The following ABCC8 variants were observed in gnomAD, a reference collection of about 807,000 sequenced individuals.
ABCC8 encodes ATP binding cassette subfamily C member 8.
Under a neutral mutation model 188.0 loss-of-function variants are expected in ABCC8, and 137 were observed. That is an observed-to-expected ratio of 0.73 (90% CI 0.63 to 0.84). The LOEUF is 0.84. ABCC8 is among the 40% of genes least tolerant of loss of function. The pLI is 0.00. For synonymous variants in ABCC8, 797 were observed against 846.5 expected (o/e 0.94, Z 1.01); for missense variants, 1,750 against 2,072.7 (o/e 0.84, Z 3.02).
At chr11:17,476,318 G>C (rs1197889681) in intron 1 of ABCC8, among the ~76,000 whole-genome samples, 1 of 152,222 alleles carries the variant, frequency 6.6e-6, no homozygotes, top group East Asian at 1.9e-4. Context: ...GTTTCCCACT[G>C]CGTGCTGAGA....
intron 8 of ABCC8, among the ~76,000 whole-genome samples, chr11:17,447,572 C>T (rs530641539): frequency 2.0e-4 from 30 of 152,128 alleles, no homozygotes; most frequent in African/African-American, 6.5e-4. Context: ...ACTAAAGGGG[C>T]GCACCACCAC....
intron 3 of ABCC8, among the ~76,000 whole-genome samples, chr11:17,467,042 CCACACACACA>C (rs569546580): frequency 0.02 from 2,620 of 132,376 alleles, 95 homozygotes; most frequent in African/African-American, 0.07. Context: ...ACATGTTAAA[CCACACACACA>C]CACACACACA....
chr11:17,461,378 A>T, intron 5 of ABCC8: 1 of 667,312 alleles, frequency 1.5e-6, no homozygotes, highest in Non-Finnish European at 2.6e-6. Flanking sequence ...GGTAAGGGCC[A>T]TTCCAACTGT....
At chr11:17,445,926 C>CG (rs1429852291) in intron 8 of ABCC8, among the ~76,000 whole-genome samples, 3 of 150,976 alleles carry the variant, frequency 2.0e-5, no homozygotes, top group African/African-American at 7.3e-5. Flanking sequence ...GTACTAGTAA[C>CG]GGTAACCGTG....
Position 17,453,200 on chromosome 11 carries a change from G to A in ABCC8, c.1095C>T (p.Ala365=), listed in dbSNP as rs1256418853. ...AYVLAVLLFL[A]LLLQRTFLQA... ...GCAGAAATGTCCTTTGCAGTAGGAG[G>A]GCAAGGAACAGAAGCACAGCTAAGA... The change falls in exon 7 of 39, where the codon GCC becomes GCT. Residue 365 remains alanine, a synonymous_variant. Coordinates refer to ENST00000389817, the MANE Select transcript of ABCC8 (RefSeq NM_000352.6). 9.9e-6 allele frequency: 16 copies of A among 1,613,972 alleles called. No homozygotes were observed. Among genetic ancestry groups the A allele is most frequent in the Non-Finnish European group, 1.4e-5 (16 of 1,180,026 alleles).
intron 6 of ABCC8, among the ~76,000 whole-genome samples, chr11:17,455,727 C>G (rs564212235): frequency 6.6e-6 from 1 of 151,842 alleles, no homozygotes; most frequent in East Asian, 1.9e-4. Context: ...CACCTGAGGT[C>G]GGGAGTTTGA....
intron 7 of ABCC8, among the ~76,000 whole-genome samples, chr11:17,451,092 A>G (rs1341945222): frequency 6.6e-6 from 1 of 152,220 alleles, no homozygotes; most frequent in Non-Finnish European, 1.5e-5. Flanking sequence ...AAAAACGATT[A>G]TATGCTAACC....
rs1183091226 is a variant in ABCC8 at position 17,430,906 on chromosome 11, C to T, written c.1725G>A (p.Val575=). ...GGAAGAGGGAGAGGGAGGCAAAGGC[C>T]ACGGAGGGCGAGAAGTCGGCCTCTT... The part of the protein sequence containing the change: ...FFKEADFSPS[V]AFASLSLFHI... Residue 575 remains valine (V), a synonymous_variant, in exon 12 of 39, where the codon GTG becomes GTA. Coordinates refer to ENST00000389817, the MANE Select transcript of ABCC8 (RefSeq NM_000352.6). 1.9e-6 allele frequency: 3 copies of T among 1,614,228 alleles called. No homozygotes were observed. The highest frequency in any genetic ancestry group is 1.7e-6 in the Non-Finnish European group (2 of 1,180,030).
Position 17,404,621 on chromosome 11 carries a change from C to T in ABCC8, c.3448G>A (p.Val1150Ile). The T allele has an allele frequency of 6.2e-7, 1 of 1,613,684 alleles. No homozygotes were observed. ...TAGGAGATGACGGCCAGGGCTGAGA[C>T]ACAGAGCAGGGTGGAGCGGCTCAGG... Reference protein sequence around the residue: ...ECLSRSTLLCVSALAVISYVT... With the variant: ...ECLSRSTLLCISALAVISYVT... The change falls in exon 28 of 39, where the codon GTC (valine) becomes ATC (isoleucine). Residue 1150 changes from valine to isoleucine, a missense_variant. By Grantham distance (29) the Val-to-Ile change is conservative. Coordinates refer to ENST00000389817, the MANE Select transcript of ABCC8 (RefSeq NM_000352.6). The surrounding 1 kb of genome is among the most constrained non-coding windows in gnomAD (Gnocchi z 4.7).
chr11:17,419,238 G>A (rs1241517789), intron 16 of ABCC8, among the ~76,000 whole-genome samples: 1 of 152,168 alleles, frequency 6.6e-6, no homozygotes. Flanking sequence ...GAGGGGATTC[G>A]ATTCCTCCTC....
At chr11:17,449,036 C>T (rs113122832) in intron 7 of ABCC8, among the ~76,000 whole-genome samples, 3,339 of 152,296 alleles carry the variant, frequency 0.022, 110 homozygotes, top group African/African-American at 0.073. Flanking sequence ...AAGCAATTCT[C>T]ATGCCTCAGC....
At chr11:17,405,586 G>C in intron 26 of ABCC8, 23 bp from the exon 27 acceptor site, 4 of 1,614,228 alleles carry the variant, frequency 2.5e-6, no homozygotes, top group Non-Finnish European at 2.5e-6. Flanking sequence ...CAGAGGAAGA[G>C]TTACTCATTT....
chr11:17,453,300 T>A lies in ABCC8; in HGVS notation c.1012-17A>T. On this transcript the variant is annotated splice_polypyrimidine_tract_variant and intron_variant, in intron 6 of 38. Coordinates refer to ENST00000389817, the MANE Select transcript of ABCC8 (RefSeq NM_000352.6). The stretch of plus-strand genomic sequence containing the variant: ...AAATTGTGTCTGTTGGAAAGAGAAG[T>A]TCAGAGGTGACTGTCATTGCCAGCA... 1.9e-6 allele frequency: 3 copies of A among 1,613,178 alleles called. No homozygotes were observed. The highest frequency in any genetic ancestry group is 2.5e-6 in the Non-Finnish European group (3 of 1,179,654).
In ABCC8 at chr11:17,427,109, G is replaced by A. The variant is rs1340200621; in HGVS notation, c.2162C>T (p.Ser721Leu). The change falls in exon 16 of 39, where the codon TCG becomes TTG. Residue 721 changes from serine to leucine, a missense_variant. Ser to Leu is a moderately radical substitution (Grantham distance 145). Transcript: ENST00000389817. This position sits in a 1 kb window ranked among gnomAD's most constrained non-coding sequence, Gnocchi z 5.0. ...IVGQVGCGKS[S>L]LLLAALGEMQ... The stretch of plus-strand genomic sequence containing the variant: ...CTCCCCCAGTGCGGCTAGAAGGAGC[G>A]AGGACTTGCCGCAGCCCACCTGCCC... 3.1e-6 allele frequency: 5 copies of A among 1,613,894 alleles called. No homozygotes were observed. The highest frequency in any genetic ancestry group is 2.2e-5 in the East Asian group (1 of 44,866).
At chr11:17,453,918 A>G (rs1956903210) in intron 6 of ABCC8, among the ~76,000 whole-genome samples, 2 of 152,184 alleles carry the variant, frequency 1.3e-5, no homozygotes, top group Admixed American at 1.3e-4. Context: ...GATGGCAACC[A>G]GTGAAGAAAA....
At chr11:17,438,218 A>G (rs1956181297) in intron 10 of ABCC8, among the ~76,000 whole-genome samples, 1 of 152,204 alleles carries the variant, frequency 6.6e-6, no homozygotes, top group African/African-American at 2.4e-5. Flanking sequence ...ACTGAGGAGG[A>G]CAGAGGCTTC....
chr11:17,438,282 T>TA (rs889886007), intron 10 of ABCC8, among the ~76,000 whole-genome samples: 10 of 151,924 alleles, frequency 6.6e-5, no homozygotes, highest in South Asian at 4.2e-4. Flanking sequence ...AATATTTGTT[T>TA]AAAAAAAATG....
chr11:17,441,383 C>T (rs1055570043), intron 10 of ABCC8, among the ~76,000 whole-genome samples: 1 of 152,204 alleles, frequency 6.6e-6, no homozygotes, highest in African/African-American at 2.4e-5. Flanking sequence ...TAAAATGGTT[C>T]TACCAACTTA....
In ABCC8 at chr11:17,395,171, C is replaced by T. The variant is rs1297529528; in HGVS notation, c.4411+1G>A. The T allele has an allele frequency of 1.3e-6, 2 of 1,568,932 alleles. No individual in the cohort carries two copies. Among genetic ancestry groups the T allele is most frequent in the Non-Finnish European group, 8.7e-7 (1 of 1,154,898 alleles). ...CCAGCTGCATAGCCAGGAGTAGTTA[C>T]CGAGGCCTCCTGGCAGTGCCTTCAC... On this transcript the variant is annotated splice_donor_variant, in intron 36 of 38. Coordinates refer to ENST00000389817, the MANE Select transcript of ABCC8 (RefSeq NM_000352.6). LOFTEE classifies it high-confidence loss of function.
Sources: gnomAD v4.1 joint callset for allele counts (sites outside exome capture counted in the v4.1 genomes callset) on GRCh38, gnomAD v4.1.1 for gene constraint, Gnocchi (gnomAD v3.1) non-coding constraint, MANE v1.5 for transcripts, NCBI Gene and HGNC (gene_info 2026-07-23, HGNC 2026-07-21) for gene names.